BCAN: variants seen among roughly 807,000 people sequenced by gnomAD.
BCAN encodes brevican core protein.
Under a neutral mutation model 92.4 loss-of-function variants are expected in BCAN, and 51 were observed. That is an observed-to-expected ratio of 0.55 (90% CI 0.44 to 0.70). The LOEUF is 0.70. Ranked by LOEUF, BCAN falls within the 30% of genes least tolerant of loss-of-function variation. The pLI, the probability that BCAN is intolerant of heterozygous loss-of-function variation, is 0.00. For synonymous variants in BCAN, 501 were observed against 505.2 expected (o/e 0.99, Z 0.11); for missense variants, 1,140 against 1,212.1 (o/e 0.94, Z 0.88).
Position 156,647,132 on chromosome 1 carries a change from C to T in BCAN, c.423C>T (p.His141=), listed in dbSNP as rs1679010614. 4 of 1,408,628 alleles carry T rather than the reference C, an allele frequency of 2.8e-6. No individual in the cohort carries two copies. The highest frequency in any genetic ancestry group is 3.8e-6 in the Non-Finnish European group (4 of 1,045,682). The allele number at this position is 1,408,628 out of a possible 1,614,324, so 87.3% of individuals were successfully genotyped here. ...DSGIYRCEVQ[H]GIDDSSDAVE... ...GTATCTATCGCTGTGAGGTCCAGCA[C>T]GGCATCGATGACAGCAGCGACGCTG... Residue 141 remains histidine, a synonymous_variant, in exon 3 of 14, where the codon CAC becomes CAT. Transcript: ENST00000329117. The surrounding 1 kb of genome is among the most constrained non-coding windows in gnomAD (Gnocchi z 4.8).
At chr1:156,653,513 T>A in intron 8 of BCAN, 3 of 986,808 alleles carry the variant, frequency 3.0e-6, no homozygotes, top group Non-Finnish European at 3.6e-6. Context: ...TGTCCACCTC[T>A]CTCATTCCAT....
At chr1:156,656,457 G>T in intron 9 of BCAN, 68 bp downstream of exon 9, 1 of 1,209,622 alleles carries the variant, frequency 8.3e-7, no homozygotes, top group Non-Finnish European at 1.1e-6. Flanking sequence ...CTTCTGGAGG[G>T]GGGAGGGAGA....
intron 10 of BCAN, 196 bp from the exon 11 acceptor site, chr1:156,657,479 C>T: frequency 1.8e-6 from 1 of 560,850 alleles, no homozygotes; most frequent in Non-Finnish European, 3.1e-6. Flanking sequence ...GGGTTGATAT[C>T]TTCCTTATTC....
Position 156,651,543 on chromosome 1 carries a change from C to G in BCAN, c.1151C>G (p.Thr384Arg), listed in dbSNP as rs767405069. The change falls in exon 7 of 14, where the codon ACA (threonine) becomes AGA (arginine). Residue 384 changes from threonine to arginine, a missense_variant. Thr to Arg is a moderately conservative substitution (Grantham distance 71, BLOSUM62 -1). Transcript: ENST00000329117. The stretch of plus-strand genomic sequence containing the variant: ...GGACTAGAGGCTATCGTCACAGTGA[C>G]AGAGACCCTGGAGGAACTGCAGCTG... ...SDGLEAIVTVTETLEELQLPQ... is the reference protein window; with the variant it reads ...SDGLEAIVTVRETLEELQLPQ... The G allele has an allele frequency of 6.8e-6, 11 of 1,614,016 alleles. No homozygotes were observed. The South Asian group carries it at 1.2e-4, about 18-fold the overall frequency.
Position 156,647,795 on chromosome 1 carries a change from T to TG in BCAN, c.641+118dup. 1 of 1,540,830 alleles carries TG rather than the reference T, an allele frequency of 6.5e-7. No individual in the cohort carries two copies. Among genetic ancestry groups the TG allele is most frequent in the Admixed American group, 1.7e-5 (1 of 58,828 alleles). On this transcript the variant is annotated intron_variant, in intron 4 of 13. Transcript: ENST00000329117. This position sits in a 1 kb window ranked among gnomAD's most constrained non-coding sequence, Gnocchi z 4.8. The stretch of plus-strand genomic sequence containing the variant: ...CTGGACATGCAGGGCTTTTTGCCTC[T>TG]GGGGGATGAGGCTGGTCTGAGGAGG...
At chr1:156,651,771 G>T in intron 7 of BCAN, 82 bp downstream of exon 7, 3 of 1,251,554 alleles carry the variant, frequency 2.4e-6, no homozygotes, top group Non-Finnish European at 3.3e-6. Flanking sequence ...TGATGCTAGG[G>T]TGATGGATGA....
rs1678816058 is a variant in BCAN, at chr1:156,642,402, C to G, written c.-9+127C>G. 5 of 152,534 alleles carry G rather than the reference C, an allele frequency of 3.3e-5. No homozygotes were observed. Among genetic ancestry groups the G allele is most frequent in the Admixed American group, 2.0e-4 (3 of 15,296 alleles). The allele number at this position is 152,534 out of a possible 1,614,324, so 9.4% of individuals were successfully genotyped here. Reference sequence around the variant, plus strand: ...GGCTCTGGGGCACCCAACTCGTCGACTCCTGACACCGCAGCGGGGTAGGCT... The same window carrying G: ...GGCTCTGGGGCACCCAACTCGTCGAGTCCTGACACCGCAGCGGGGTAGGCT... On this transcript the variant is annotated intron_variant, in intron 1 of 13. Transcript: ENST00000329117. The surrounding 1 kb of genome is among the most constrained non-coding windows in gnomAD (Gnocchi z 4.2).
At chr1:156,649,130 G>C (rs966696121) in intron 6 of BCAN, among the ~76,000 whole-genome samples, 3 of 152,170 alleles carry the variant, frequency 2.0e-5, no homozygotes, top group African/African-American at 7.2e-5. Flanking sequence ...GTTTGCTCCA[G>C]CTGGGCTGCT....
At chr1:156,652,130 C>G (rs1679183526) in intron 7 of BCAN, 118 bp from the exon 8 acceptor site, 2 of 1,385,654 alleles carry the variant, frequency 1.4e-6, no homozygotes, top group Middle Eastern at 2.6e-4. Flanking sequence ...TCAGGGCGGT[C>G]TCTTCCCTAT....
Position 156,647,761 on chromosome 1 carries a change from T to C in BCAN, c.641+79T>C. 3.2e-6 allele frequency: 5 copies of C among 1,552,276 alleles called. No individual in the cohort carries two copies. The highest frequency in any genetic ancestry group is 4.4e-6 in the Non-Finnish European group (5 of 1,139,628). The stretch of plus-strand genomic sequence containing the variant: ...CCCCCTTCTGCTGGGTGCTGCCTGC[T>C]GTGTCAGGCTGGACATGCAGGGCTT... On this transcript the variant is annotated intron_variant, in intron 4 of 13. Coordinates refer to ENST00000329117, the MANE Select transcript of BCAN (RefSeq NM_021948.5). This position sits in a 1 kb window ranked among gnomAD's most constrained non-coding sequence, Gnocchi z 4.8.
intron 8 of BCAN, among the ~76,000 whole-genome samples, chr1:156,655,458 G>A (rs1238250680): frequency 6.6e-6 from 1 of 152,258 alleles, no homozygotes; most frequent in Admixed American, 6.5e-5. Context: ...GGAGTTGGGA[G>A]AGGGAGCCTG....
Position 156,658,893 on chromosome 1 carries a change from C to A in BCAN, c.2629-134C>A. 7.5e-7 allele frequency: 1 copy of A among 1,324,972 alleles called. No individual in the cohort carries two copies. Among genetic ancestry groups the A allele is most frequent in the Non-Finnish European group, 1.0e-6 (1 of 957,052 alleles). 82.1% of individuals were successfully genotyped at this position (1,324,972 alleles called of 1,614,324 possible). A position where few individuals can be genotyped will look rare whatever the true frequency, so the allele number is the denominator to read the frequency against. ...GAGGTGGGCTGGAGGCTCTGGGGTT[C>A]CTTCAGTGCTGATGTCTGATAACAT... On this transcript the variant is annotated intron_variant, in intron 13 of 13. Transcript: ENST00000329117. This position sits in a 1 kb window ranked among gnomAD's most constrained non-coding sequence, Gnocchi z 4.4.
At chr1:156,649,436 T>A (rs1043782149) in intron 6 of BCAN, among the ~76,000 whole-genome samples, 4 of 152,196 alleles carry the variant, frequency 2.6e-5, no homozygotes, top group Non-Finnish European at 5.9e-5. Flanking sequence ...AGGGTCTCAC[T>A]CCGTCCCCCA....
Position 156,652,664 on chromosome 1 carries a change from C to T in BCAN, c.1714C>T (p.Pro572Ser). The change falls in exon 8 of 14, where the codon CCT (proline) becomes TCT (serine). Residue 572 changes from proline (P) to serine (S), a missense_variant. Physicochemically the swap from Pro to Ser is moderately conservative, Grantham distance 74. Around this residue, in one of 3 missense-constraint regions of BCAN, gnomAD observed 825 missense variants for 871.8 expected, o/e 0.95. Transcript: ENST00000329117. ...AGAGGTGGGGGAGGCAACTGGTGGT[C>T]CTGAGCTATCTGGGGTCCCTCGAGG... ...AREVGEATGG[P>S]ELSGVPRGES... 2 of 1,613,366 alleles carry T rather than the reference C, an allele frequency of 1.2e-6. No individual in the cohort carries two copies. Among genetic ancestry groups the T allele is most frequent in the Non-Finnish European group, 1.7e-6 (2 of 1,179,576 alleles).
intron 10 of BCAN, 193 bp downstream of exon 10, chr1:156,657,289 G>C (rs995596066): frequency 1.4e-5 from 12 of 869,228 alleles, no homozygotes; most frequent in Non-Finnish European, 1.9e-5. Flanking sequence ...TGGCCTTCGG[G>C]AACGGAGAGT....
rs1679430865 is a variant in BCAN, at chr1:156,658,887, G to A, written c.2629-140G>A. 2 of 1,351,258 alleles carry A rather than the reference G, an allele frequency of 1.5e-6. No individual in the cohort carries two copies. Among genetic ancestry groups the A allele is most frequent in the African/African-American group, 1.5e-5 (1 of 68,640 alleles). The allele number at this position is 1,351,258 out of a possible 1,614,324, so 83.7% of individuals were successfully genotyped here. On this transcript the variant is annotated intron_variant, in intron 13 of 13. Transcript: ENST00000329117. This position sits in a 1 kb window ranked among gnomAD's most constrained non-coding sequence, Gnocchi z 4.4. ...GGGGAAGAGGTGGGCTGGAGGCTCT[G>A]GGGTTCCTTCAGTGCTGATGTCTGA...
At position 156,646,593 on chromosome 1, in the gene BCAN, G is replaced by A. The variant is rs1055753669; in HGVS notation, c.92-208G>A. 19 of 753,884 alleles carry A rather than the reference G, an allele frequency of 2.5e-5. No individual in the cohort carries two copies. The African/African-American group carries it at 2.9e-4, about 12-fold the overall frequency. The allele number at this position is 753,884 out of a possible 1,614,324, so 46.7% of individuals were successfully genotyped here. ...GCTGAATTGACTGGGAGACTTTGGG[G>A]GATGGGTCTGGAGACCGTCGGGGTG... On this transcript the variant is annotated intron_variant, in intron 2 of 13. Transcript: ENST00000329117.
In BCAN at chr1:156,656,299, C is replaced by A; in HGVS notation, c.1960C>A (p.Pro654Thr). Residue 654 changes from proline (P) to threonine (T), a missense_variant, in exon 9 of 14, where the codon CCC becomes ACC. This residue lies in a region of BCAN where 825 missense variants were observed against 871.8 expected (regional missense o/e 0.95). Transcript: ENST00000329117. ...CCTCTCAGGTGACTGTGTCCCCAGC[C>A]CCTGCCACAATGGTGGGACATGCTT... ...VPASGDCVPS[P>T]CHNGGTCLEE... 6.9e-7 allele frequency: 1 copy of A among 1,456,856 alleles called. No homozygotes were observed. Among genetic ancestry groups the A allele is most frequent in the Non-Finnish European group, 9.0e-7 (1 of 1,113,276 alleles). The allele number at this position is 1,456,856 out of a possible 1,614,324, so 90.2% of individuals were successfully genotyped here. A position where few individuals can be genotyped will look rare whatever the true frequency, so the allele number is the denominator to read the frequency against.
At chr1:156,648,438 ATGAAG>A in intron 5 of BCAN, 125 bp from the exon 6 acceptor site, 1 of 1,022,878 alleles carries the variant, frequency 9.8e-7, no homozygotes, top group Non-Finnish European at 1.4e-6. Context: ...CTATGATCCT[ATGAAG>A]TAGAGTAGTT....
Sources: gnomAD v4.1 joint callset for allele counts (sites outside exome capture counted in the v4.1 genomes callset) on GRCh38, gnomAD v4.1.1 for gene constraint, gnomAD v4.1.1 regional missense constraint, Gnocchi (gnomAD v3.1) non-coding constraint, MANE v1.5 for transcripts, NCBI Gene and HGNC (gene_info 2026-07-23, HGNC 2026-07-21) for gene names.